The following PM20D2 variants were observed in gnomAD, a reference collection of about 807,000 sequenced individuals.
PM20D2 encodes the protein xaa-Arg dipeptidase.
Under a neutral mutation model 42.9 loss-of-function variants are expected in PM20D2, and 33 were observed. The observed-to-expected ratio is 0.77, with a 90% CI of 0.58 to 1.03. PM20D2 has a LOEUF of 1.03. Among genes scored for constraint, PM20D2 ranks in the 50% least tolerant of loss-of-function variants. The probability of loss-of-function intolerance (pLI) is 0.00; values close to 1 mark genes in which losing one functional copy is unlikely to be tolerated. For synonymous variants in PM20D2, 250 were observed against 228.2 expected (o/e 1.10, Z -0.86); for missense variants, 548 against 557.0 (o/e 0.98, Z 0.16).
At chr6:89,139,550 CA>C in the PM20D2 span, among the ~76,000 whole-genome samples, 6 of 152,260 alleles carry the variant, frequency 3.9e-5, no homozygotes, top group East Asian at 1.2e-3. Flanking sequence ...GTCCTGCTCC[CA>C]AATACAGTCA....
intron 2 of PM20D2, 137 bp downstream of exon 2, chr6:89,149,550 C>T (rs1020179125): frequency 6.3e-6 from 7 of 1,110,118 alleles, no homozygotes; most frequent in Non-Finnish European, 8.8e-6. Context: ...ATGTCTTGAT[C>T]TATGGAGTGA....
At chr6:89,124,927 G>C in the PM20D2 span, among the ~76,000 whole-genome samples, 1 of 151,658 alleles carries the variant, frequency 6.6e-6, no homozygotes, top group South Asian at 2.1e-4. Flanking sequence ...ATAGAGGTAG[G>C]TCTTGCTATG....
chr6:89,117,967 A>T, the PM20D2 span: 1 of 1,435,720 alleles, frequency 7.0e-7, no homozygotes, highest in Non-Finnish European at 9.3e-7. Flanking sequence ...CTACCACCAC[A>T]GGAGCTCCGC....
At chr6:89,139,013 A>T in the PM20D2 span, among the ~76,000 whole-genome samples, 1 of 152,206 alleles carries the variant, frequency 6.6e-6, no homozygotes. Flanking sequence ...CAATGATGAA[A>T]TTTTTGTTAG....
At chr6:89,128,940 C>A in the PM20D2 span, among the ~76,000 whole-genome samples, 1 of 151,970 alleles carries the variant, frequency 6.6e-6, no homozygotes, top group Non-Finnish European at 1.5e-5. Context: ...AATACAGGGG[C>A]TAAAAAAGCA....
chr6:89,161,735 TA>T (rs756049191), intron 5 of PM20D2, 47 bp from the exon 6 acceptor site: 1 of 1,411,846 alleles, frequency 7.1e-7, no homozygotes, highest in Admixed American at 1.7e-5. Context: ...CCAGAATACT[TA>T]ACCACATATA....
chr6:89,113,032 T>C, the PM20D2 span, among the ~76,000 whole-genome samples: 2 of 152,232 alleles, frequency 1.3e-5, no homozygotes, highest in Non-Finnish European at 2.9e-5. Flanking sequence ...GGCTTTACTG[T>C]GTAGTAGGTT....
At chr6:89,124,730 G>GTTTTTT in the PM20D2 span, among the ~76,000 whole-genome samples, 5 of 58,144 alleles carry the variant, frequency 8.6e-5, no homozygotes, top group Non-Finnish European at 1.2e-4. Context: ...TGTTGTTGCT[G>GTTTTTT]TTGTTGTTTT....
At chr6:89,144,422 TA>T (rs1232568850), upstream of PM20D2, among the ~76,000 whole-genome samples, 2 of 152,332 alleles carry the variant, frequency 1.3e-5, no homozygotes, top group African/African-American at 2.4e-5. Flanking sequence ...TTTGAATAGA[TA>T]AACTGGAGAT....
At chr6:89,115,031 C>T in the PM20D2 span, among the ~76,000 whole-genome samples, 123 of 152,198 alleles carry the variant, frequency 8.1e-4, 1 homozygote, top group East Asian at 7.7e-3. Flanking sequence ...CTCCTAATTT[C>T]GTGATCTGCC....
At chr6:89,103,771 T>C in the PM20D2 span, among the ~76,000 whole-genome samples, 4 of 152,286 alleles carry the variant, frequency 2.6e-5, no homozygotes, top group East Asian at 7.7e-4. Context: ...ATATAATTAA[T>C]TTCTGTTGTG....
At chr6:89,148,529 T>A in intron 1 of PM20D2, 17 of 982,416 alleles carry the variant, frequency 1.7e-5, no homozygotes, top group Non-Finnish European at 2.1e-5. Context: ...AATTAGGTGT[T>A]TGGTGACCAA....
the PM20D2 span, among the ~76,000 whole-genome samples, chr6:89,103,317 A>C: frequency 1.3e-5 from 2 of 151,634 alleles, no homozygotes; most frequent in Non-Finnish European, 2.9e-5. Flanking sequence ...ATTTAGAAAC[A>C]ATCAATTTAA....
chr6:89,136,763 G>GATTCCCTC, the PM20D2 span, among the ~76,000 whole-genome samples: 5 of 151,008 alleles, frequency 3.3e-5, no homozygotes, highest in Non-Finnish European at 5.9e-5. Flanking sequence ...TAATCTTACA[G>GATTCCCTC]ATTCCCTCAG....
Position 89,146,065 on chromosome 6 carries a change from C to T in PM20D2, c.-80C>T. On this transcript the variant is annotated 5_prime_UTR_variant, in exon 1 of 7. Coordinates refer to ENST00000275072, the MANE Select transcript of PM20D2 (RefSeq NM_001010853.3). ...CGCTCCGCCGGGGTCCTGGAGGCCT[C>T]TGGGCGCGTGCGCGGGCGGTCGCTA... 1.6e-6 allele frequency: 2 copies of T among 1,276,884 alleles called. No homozygotes were observed. Among genetic ancestry groups the T allele is most frequent in the Non-Finnish European group, 2.0e-6 (2 of 991,792 alleles). 79.1% of individuals were successfully genotyped at this position (1,276,884 alleles called of 1,614,324 possible).
At chr6:89,098,813 G>C in the PM20D2 span, 6 of 1,613,870 alleles carry the variant, frequency 3.7e-6, no homozygotes, top group Non-Finnish European at 5.1e-6. Flanking sequence ...CTTTTGTAAG[G>C]ACTTGGACCT....
At chr6:89,106,513 T>C in the PM20D2 span, among the ~76,000 whole-genome samples, 6 of 152,360 alleles carry the variant, frequency 3.9e-5, no homozygotes, top group African/African-American at 1.4e-4. Flanking sequence ...AATATCCCAC[T>C]AAACTTCCTT....
At chr6:89,152,135 T>C (rs1297650938) in intron 2 of PM20D2, among the ~76,000 whole-genome samples, 5 of 152,172 alleles carry the variant, frequency 3.3e-5, no homozygotes, top group South Asian at 2.1e-4. Flanking sequence ...TGATAAGATA[T>C]ATATCAAGGA....
chr6:89,143,913 T>C (rs1177986781), upstream of PM20D2, among the ~76,000 whole-genome samples: 1 of 152,200 alleles, frequency 6.6e-6, no homozygotes, highest in Non-Finnish European at 1.5e-5. Flanking sequence ...GTTAGTTTAT[T>C]AGATTCAAGA....
Sources: gnomAD v4.1 joint callset for allele counts (sites outside exome capture counted in the v4.1 genomes callset) on GRCh38, gnomAD v4.1.1 for gene constraint, MANE v1.5 for transcripts, NCBI Gene and HGNC (gene_info 2026-07-23, HGNC 2026-07-21) for gene names.